PIP5K1C: variants seen among roughly 807,000 people sequenced by gnomAD.
PIP5K1C encodes phosphatidylinositol 4-phosphate 5-kinase type-1 gamma.
In PIP5K1C, 45 loss-of-function variants were observed where a neutral mutation model predicts 80.1. The ratio of observed to expected loss-of-function variants is 0.56; its 90% CI spans 0.44 to 0.72. The LOEUF (loss-of-function observed/expected upper bound fraction) is 0.72. Among genes scored for constraint, PIP5K1C ranks in the 30% least tolerant of loss-of-function variants. PIP5K1C has a pLI of 0.00. For missense variants in PIP5K1C, 753 were observed against 954.6 expected (o/e 0.79, Z 2.78); for synonymous variants, 498 against 420.1 (o/e 1.19, Z -2.27).
intron 1 of PIP5K1C, among the ~76,000 whole-genome samples, chr19:3,691,107 CAA>C (rs781116032): frequency 6.6e-6 from 1 of 152,194 alleles, no homozygotes. Flanking sequence ...TCCAAGAAAA[CAA>C]AGAGGAAATG....
At chr19:3,670,858 C>T (rs1031736075) in intron 1 of PIP5K1C, among the ~76,000 whole-genome samples, 1 of 152,154 alleles carries the variant, frequency 6.6e-6, no homozygotes, top group African/African-American at 2.4e-5. Context: ...CTCAGGATTC[C>T]GGCTGCCACG....
chr19:3,695,047 T>C (rs1023943421), intron 1 of PIP5K1C, among the ~76,000 whole-genome samples: 1 of 152,198 alleles, frequency 6.6e-6, no homozygotes, highest in African/African-American at 2.4e-5. Context: ...CAATAAAACT[T>C]TGTTGACAAG....
At chr19:3,694,885 C>T (rs2036054293) in intron 1 of PIP5K1C, among the ~76,000 whole-genome samples, 1 of 152,196 alleles carries the variant, frequency 6.6e-6, no homozygotes, top group Non-Finnish European at 1.5e-5. Flanking sequence ...CGGCTCTGGG[C>T]TGGGCAAACA....
At chr19:3,673,221 C>T (rs934437102) in intron 1 of PIP5K1C, among the ~76,000 whole-genome samples, 4 of 152,126 alleles carry the variant, frequency 2.6e-5, no homozygotes, top group African/African-American at 9.7e-5. Flanking sequence ...TTTGCACGAG[C>T]GGTGCCTCTG....
Position 3,637,046 on chromosome 19 carries a change from G to C in PIP5K1C, c.1920+1838C>G, listed in dbSNP as rs556661321. ...CGCCTCCATCTGTGAGGTGGGTGTG[G>C]AGAGACCATCTCCTCCCCGTCTCCA... On this transcript the variant is annotated intron_variant, in intron 16 of 17. Transcript: ENST00000335312. This position sits in a 1 kb window ranked among gnomAD's most constrained non-coding sequence, Gnocchi z 7.0. 2.1e-5 allele frequency: 24 copies of C among 1,146,590 alleles called. No individual in the cohort carries two copies. The South Asian group carries it at 5.2e-4, about 25-fold the overall frequency. The allele number at this position is 1,146,590 out of a possible 1,614,324, so 71.0% of individuals were successfully genotyped here. A position where few individuals can be genotyped will look rare whatever the true frequency, so the allele number is the denominator to read the frequency against.
intron 2 of PIP5K1C, among the ~76,000 whole-genome samples, chr19:3,665,416 G>A (rs2034974744): frequency 6.6e-6 from 1 of 151,970 alleles, no homozygotes; most frequent in Non-Finnish European, 1.5e-5. Context: ...ACTTCAGAGA[G>A]TACAGTATGC....
chr19:3,652,677 G>A (rs570331256), intron 7 of PIP5K1C, among the ~76,000 whole-genome samples: 6 of 152,314 alleles, frequency 3.9e-5, no homozygotes, highest in Middle Eastern at 3.4e-3. Flanking sequence ...CGCTAACACG[G>A]AGCCAACGCA....
At chr19:3,662,085 G>A (rs998497073) in intron 3 of PIP5K1C, 84 bp from the exon 4 acceptor site, 82 of 1,482,748 alleles carry the variant, frequency 5.5e-5, no homozygotes, top group Non-Finnish European at 6.9e-5. Flanking sequence ...GGTGGAGATC[G>A]TGACCAGCTG....
intron 16 of PIP5K1C, among the ~76,000 whole-genome samples, chr19:3,633,967 CG>C (rs1402727727): frequency 6.6e-6 from 1 of 152,166 alleles, no homozygotes; most frequent in Non-Finnish European, 1.5e-5. Context: ...GTCGGGGTGC[CG>C]GACCTACTTC....
In PIP5K1C at chr19:3,660,809, C is replaced by T. The variant is rs10419581; in HGVS notation, c.468+157G>A. Among the ~76,000 whole-genome samples the T allele has an allele frequency of 5.8e-3, 875 of 152,088 alleles. 7 individuals are homozygous for T. The highest frequency in any genetic ancestry group is 0.02 in the African/African-American group (826 of 41,472). On this transcript the variant is annotated intron_variant, in intron 5 of 17. Transcript: ENST00000335312. ...TGGAGGCCGATCTCTCCTGCTTTCC[C>T]GGTGAGTCTCACAGGAGACTCCGGC...
chr19:3,676,541 T>G (rs1416167609), intron 1 of PIP5K1C, among the ~76,000 whole-genome samples: 1 of 152,176 alleles, frequency 6.6e-6, no homozygotes, highest in Non-Finnish European at 1.5e-5. Flanking sequence ...GCCTCTGCCT[T>G]CGCCCCCCAC....
rs1321435376 is a variant in PIP5K1C at position 3,632,040 on chromosome 19, G to GC, written c.*1126dup. 6.6e-6 allele frequency: 1 copy of GC among 152,294 alleles called. No individual in the cohort carries two copies. The highest frequency in any genetic ancestry group is 2.4e-5 in the African/African-American group (1 of 41,480). The allele number at this position is 152,294 out of a possible 1,614,324, so 9.4% of individuals were successfully genotyped here. ...CTGAGCGCAGCGGGCCCAGGAAGCT[G>GC]CCCCAGGGCAGTCTGGGCTGAGTCC... On this transcript the variant is annotated 3_prime_UTR_variant, in exon 18 of 18. Coordinates refer to ENST00000335312, the MANE Select transcript of PIP5K1C (RefSeq NM_012398.3).
intron 1 of PIP5K1C, among the ~76,000 whole-genome samples, chr19:3,699,660 A>C (rs771706011): frequency 1.3e-5 from 2 of 151,940 alleles, no homozygotes; most frequent in Non-Finnish European, 2.9e-5. Flanking sequence ...GCCGCCACCT[A>C]CCCGGCTGGA....
At chr19:3,633,907 C>T (rs889684090) in intron 16 of PIP5K1C, among the ~76,000 whole-genome samples, 4 of 152,182 alleles carry the variant, frequency 2.6e-5, no homozygotes, top group East Asian at 1.9e-4. Flanking sequence ...GCCTGTGCCA[C>T]GGGCACCAGC....
intron 1 of PIP5K1C, among the ~76,000 whole-genome samples, chr19:3,668,033 G>A (rs966156878): frequency 6.6e-6 from 1 of 152,144 alleles, no homozygotes; most frequent in Non-Finnish European, 1.5e-5. Flanking sequence ...GGCTGCGAGG[G>A]GACCCCCAGC....
intron 5 of PIP5K1C, among the ~76,000 whole-genome samples, chr19:3,657,391 T>C (rs1599988113): frequency 6.6e-6 from 1 of 152,302 alleles, no homozygotes; most frequent in African/African-American, 2.4e-5. Flanking sequence ...GAAGTGTGCA[T>C]GGGGCTAAGG....
In PIP5K1C at chr19:3,642,914, CCTGTCCAGACGACTGTG is replaced by C; in HGVS notation, c.1658_1674del (p.Thr553ArgfsTer51). 1.2e-6 allele frequency: 2 copies of C among 1,613,466 alleles called. No individual in the cohort carries two copies. The highest frequency in any genetic ancestry group is 1.7e-6 in the Non-Finnish European group (2 of 1,179,816). On this transcript the variant is annotated frameshift_variant, in exon 14 of 18. Coordinates refer to ENST00000335312, the MANE Select transcript of PIP5K1C (RefSeq NM_012398.3). LOFTEE classifies it high-confidence loss of function. ...AAGGGGGTTGGGTCTCACCTGCCATCCTGTCCAGACGACTGTGTGCGCCGCCTGCAGAGATACAGCAA... is the reference window on the plus strand; with the variant it reads ...AAGGGGGTTGGGTCTCACCTGCCATCTGCGCCGCCTGCAGAGATACAGCAA...
chr19:3,645,065 C>T (rs572026034), intron 11 of PIP5K1C, among the ~76,000 whole-genome samples: 88 of 152,358 alleles, frequency 5.8e-4, no homozygotes, highest in African/African-American at 2.0e-3. Flanking sequence ...CCAATTCCCA[C>T]GGTGTTGATG....
chr19:3,663,168 C>T (rs1220385023), intron 3 of PIP5K1C, among the ~76,000 whole-genome samples: 1 of 151,850 alleles, frequency 6.6e-6, no homozygotes, highest in Non-Finnish European at 1.5e-5. Flanking sequence ...GCCCGGCCGG[C>T]TGCTGTTATT....
Sources: allele counts gnomAD v4.1 joint callset (sites outside exome capture counted in the v4.1 genomes callset), GRCh38; gene constraint gnomAD v4.1.1; non-coding constraint Gnocchi (gnomAD v3.1); transcripts MANE v1.5; gene names NCBI Gene and HGNC (gene_info 2026-07-23, HGNC 2026-07-21).